Variants in FAR1 observed in about 807,000 individuals in gnomAD.
FAR1 encodes male sterility domain-containing protein 2.
A neutral mutation model predicts 61.1 loss-of-function variants in FAR1; 22 were observed. That is an observed-to-expected ratio of 0.36 (90% CI 0.26 to 0.51). The LOEUF is 0.51. Among genes scored for constraint, FAR1 ranks in the 20% least tolerant of loss-of-function variants. The probability of loss-of-function intolerance (pLI) is 0.95; values close to 1 mark genes in which losing one functional copy is unlikely to be tolerated. For missense variants in FAR1, 359 were observed against 626.9 expected, an observed-to-expected ratio of 0.57 and a Z score of 4.56; for synonymous variants, 206 against 209.7, an observed-to-expected ratio of 0.98 and a Z score of 0.15.
chr11:13,690,675 C>T (rs973612868), intron 1 of FAR1, among the ~76,000 whole-genome samples: 3 of 152,074 alleles, frequency 2.0e-5, no homozygotes, highest in Non-Finnish European at 4.4e-5. Flanking sequence ...TGTAAGTTCT[C>T]CATCTTTGTT....
chr11:13,713,069 A>C, intron 8 of FAR1, 36 bp downstream of exon 8: 1 of 1,575,646 alleles, frequency 6.3e-7, no homozygotes, highest in Non-Finnish European at 8.7e-7. Context: ...TGTTAGAATA[A>C]ATCTTAAAGA....
At chr11:13,723,919 CATATT>C (rs1285262939) in intron 10 of FAR1, among the ~76,000 whole-genome samples, 1 of 152,096 alleles carries the variant, frequency 6.6e-6, no homozygotes, top group Admixed American at 6.5e-5. Context: ...TTTCTTGAAA[CATATT>C]AAATATAATT....
chr11:13,720,355 T>G (rs570725650), intron 9 of FAR1: 1 of 152,286 alleles, frequency 6.6e-6, no homozygotes, highest in African/African-American at 2.4e-5. Context: ...ACAAACTTGT[T>G]GTATCTTTTT....
intron 10 of FAR1, among the ~76,000 whole-genome samples, chr11:13,725,175 A>G (rs764458708): frequency 6.6e-6 from 1 of 152,178 alleles, no homozygotes; most frequent in Non-Finnish European, 1.5e-5. Context: ...CTATATGTAC[A>G]CATTTGTGTA....
intron 2 of FAR1, among the ~76,000 whole-genome samples, chr11:13,696,041 C>T (rs1286628605): frequency 2.0e-5 from 3 of 152,020 alleles, no homozygotes; most frequent in Admixed American, 1.3e-4. Flanking sequence ...CCCTTAAAAC[C>T]TACAAGGAAA....
chr11:13,676,992 A>G (rs979444310), intron 1 of FAR1, among the ~76,000 whole-genome samples: 6 of 152,188 alleles, frequency 3.9e-5, no homozygotes, highest in Admixed American at 2.0e-4. Context: ...TGACTTGCCT[A>G]AGGTCTGTTG....
intron 2 of FAR1, 120 bp downstream of exon 2, chr11:13,695,074 A>G (rs1311329948): frequency 1.2e-6 from 1 of 808,266 alleles, no homozygotes; most frequent in Non-Finnish European, 1.8e-6. Context: ...TAGTAAAACA[A>G]AAAAACTTAG....
In FAR1 at chr11:13,710,923, A is replaced by G. The variant is rs1281557379; in HGVS notation, c.723+53A>G. The G allele has an allele frequency of 4.0e-6, 6 of 1,489,024 alleles. No individual in the cohort carries two copies. The African/African-American group carries it at 8.5e-5, about 21-fold the overall frequency. 92.2% of individuals were successfully genotyped at this position (1,489,024 alleles called of 1,614,324 possible). A position where few individuals can be genotyped will look rare whatever the true frequency, so the allele number is the denominator to read the frequency against. On this transcript the variant is annotated intron_variant, in intron 5 of 11. Coordinates refer to ENST00000354817, the MANE Select transcript of FAR1 (RefSeq NM_032228.6). ...ACTGGAGTTGAGAATTTTAAGTTGT[A>G]ACTCTGTATAAAAAGAGCTGGCAGT...
intron 10 of FAR1, among the ~76,000 whole-genome samples, chr11:13,727,170 G>A (rs1320371723): frequency 6.6e-6 from 1 of 151,966 alleles, no homozygotes; most frequent in Non-Finnish European, 1.5e-5. Flanking sequence ...AGTCTGTTCA[G>A]TAGGCATGAA....
At position 13,713,046 on chromosome 11, in the gene FAR1, C is replaced by T. The variant is rs1408603702; in HGVS notation, c.955+13C>T. On this transcript the variant is annotated intron_variant, in intron 8 of 11. Transcript: ENST00000354817. ...TGGGGTGAAGTTGGTATGATTTTAC[C>T]TGTGTTTTTGAATGTTAGAATAAAT... 2 of 1,608,732 alleles carry T rather than the reference C, an allele frequency of 1.2e-6. No individual in the cohort carries two copies. Among genetic ancestry groups the T allele is most frequent in the Non-Finnish European group, 1.7e-6 (2 of 1,175,352 alleles).
intron 1 of FAR1, among the ~76,000 whole-genome samples, chr11:13,693,690 A>G (rs931387102): frequency 2.0e-5 from 3 of 152,168 alleles, no homozygotes; most frequent in African/African-American, 7.2e-5. Flanking sequence ...GCCTCATTAT[A>G]GTCCTTTCCT....
intron 3 of FAR1, among the ~76,000 whole-genome samples, chr11:13,706,447 T>G (rs554200359): frequency 3.3e-5 from 5 of 152,278 alleles, no homozygotes; most frequent in Admixed American, 3.3e-4. Context: ...TGTATTACTT[T>G]GCCATTTTTG....
chr11:13,681,475 G>A (rs7111140), intron 1 of FAR1, among the ~76,000 whole-genome samples: 1,906 of 152,254 alleles, frequency 0.013, 37 homozygotes, highest in African/African-American at 0.044. Context: ...CTTGAATTTG[G>A]GCAGTCTTGT....
intron 10 of FAR1, chr11:13,723,528 T>G (rs1848637199): frequency 6.4e-6 from 2 of 311,106 alleles, no homozygotes; most frequent in Non-Finnish European, 1.3e-5. Flanking sequence ...GCAGTATCAC[T>G]ATGATAGTGG....
chr11:13,687,381 T>C (rs529132332), intron 1 of FAR1, among the ~76,000 whole-genome samples: 1 of 152,308 alleles, frequency 6.6e-6, no homozygotes, highest in South Asian at 2.1e-4. Flanking sequence ...CCCAAGTGTG[T>C]GGGAATGCTA....
At chr11:13,699,999 C>A (rs1848352512) in intron 2 of FAR1, among the ~76,000 whole-genome samples, 1 of 152,074 alleles carries the variant, frequency 6.6e-6, no homozygotes, top group Non-Finnish European at 1.5e-5. Flanking sequence ...GAAGTCTATT[C>A]TGAGGGGTGA....
intron 1 of FAR1, among the ~76,000 whole-genome samples, chr11:13,682,610 T>G (rs966018253): frequency 6.6e-6 from 1 of 152,200 alleles, no homozygotes. Context: ...TTTTTACTTT[T>G]TTAGTTTTTT....
At chr11:13,668,970 C>G (rs536548183) in intron 1 of FAR1, among the ~76,000 whole-genome samples, 164 bp downstream of exon 1, 1 of 152,074 alleles carries the variant, frequency 6.6e-6, no homozygotes, top group Non-Finnish European at 1.5e-5. Flanking sequence ...AGTGAGGGCG[C>G]CCGCCTCACC....
intron 2 of FAR1, among the ~76,000 whole-genome samples, chr11:13,699,190 T>G (rs1331069096): frequency 2.6e-5 from 4 of 152,172 alleles, no homozygotes; most frequent in Non-Finnish European, 5.9e-5. Flanking sequence ...AAAGCTGGGT[T>G]AGTTGTTTCT....
Sources: allele counts gnomAD v4.1 joint callset (sites outside exome capture counted in the v4.1 genomes callset), GRCh38; gene constraint gnomAD v4.1.1; transcripts MANE v1.5; gene names NCBI Gene and HGNC (gene_info 2026-07-23, HGNC 2026-07-21).